The following CCNYL1 variants were observed in gnomAD, a reference collection of about 807,000 sequenced individuals.
CCNYL1 encodes cyclin Y like 1, also known as cyclin-Y-like protein 1.
A neutral mutation model predicts 44.2 loss-of-function variants in CCNYL1; 16 were observed. The ratio of observed to expected loss-of-function variants is 0.36; its 90% CI spans 0.25 to 0.55. The LOEUF is 0.55. Among genes scored for constraint, CCNYL1 ranks in the 20% least tolerant of loss-of-function variants. The pLI is 0.85. For synonymous variants in CCNYL1, 159 were observed against 163.2 expected, an observed-to-expected ratio of 0.97 and a Z score of 0.20; for missense variants, 348 against 451.8, an observed-to-expected ratio of 0.77 and a Z score of 2.08.
chr2:207,717,174 A>G (rs1014664885), intron 1 of CCNYL1, among the ~76,000 whole-genome samples: 1 of 150,840 alleles, frequency 6.6e-6, no homozygotes, highest in Non-Finnish European at 1.5e-5. Flanking sequence ...CCTGGACTTT[A>G]GAATTCATCA....
At position 207,720,187 on chromosome 2, in the gene CCNYL1, C is replaced by CAAAA. The variant is rs747214958; in HGVS notation, c.221-4594_221-4591dup. Reference sequence around the variant, plus strand: ...TGGGTGGTAGAGTGAGACTCCGTCTCAAAAAAAAAAAAAAAAAAAAAAGGC... The same window carrying CAAAA: ...TGGGTGGTAGAGTGAGACTCCGTCTCAAAAAAAAAAAAAAAAAAAAAAAAAAGGC... On this transcript the variant is annotated intron_variant, in intron 1 of 9. Coordinates refer to ENST00000295414, the MANE Select transcript of CCNYL1 (RefSeq NM_001330218.2). Among the ~76,000 whole-genome samples the CAAAA allele has an allele frequency of 1.7e-3, 101 of 57,818 alleles. 2 individuals carry two copies. Among genetic ancestry groups the CAAAA allele is most frequent in the Non-Finnish European group, 2.0e-3 (64 of 31,494 alleles). The allele number at this position is 57,818 out of a possible 152,430, so 37.9% of individuals were successfully genotyped here. A position where few individuals can be genotyped will look rare whatever the true frequency, so the allele number is the denominator to read the frequency against.
At chr2:207,740,176 CAAT>C (rs1467550067) in intron 5 of CCNYL1, among the ~76,000 whole-genome samples, 2 of 152,022 alleles carry the variant, frequency 1.3e-5, no homozygotes, top group Non-Finnish European at 2.9e-5. Context: ...AATAAAAAGA[CAAT>C]AAGGTTTTTA....
intron 3 of CCNYL1, among the ~76,000 whole-genome samples, chr2:207,729,556 G>T (rs1405257444): frequency 6.6e-6 from 1 of 152,104 alleles, no homozygotes; most frequent in Non-Finnish European, 1.5e-5. Context: ...GATTCTTACT[G>T]CAAGGACATT....
In CCNYL1 at chr2:207,718,017, G is replaced by A. The variant is rs143457325; in HGVS notation, c.220+5901G>A. Among the ~76,000 whole-genome samples, 772 of 149,530 alleles carry A rather than the reference G, an allele frequency of 5.2e-3. 7 individuals carry two copies. Among genetic ancestry groups the A allele is most frequent in the African/African-American group, 0.018 (719 of 40,662 alleles). ...CCTCCTGGGTTCAAGCGATTCTCCT[G>A]CCTCAGCCTCCCGAGTAGCTGGGGC... On this transcript the variant is annotated intron_variant, in intron 1 of 9. Transcript: ENST00000295414.
chr2:207,712,041 G>A lies in CCNYL1; in HGVS notation c.145G>A (p.Glu49Lys). Residue 49 changes from glutamate to lysine, a missense_variant, in exon 1 of 10, where the codon GAG becomes AAG. Physicochemically the swap from Glu to Lys is moderately conservative, Grantham distance 56. Transcript: ENST00000295414. The stretch of plus-strand genomic sequence containing the variant: ...GGTGGCGGTAGCGCCCGCTGTGGTG[G>A]AGCCTGCCGAGTTGGATTTCGGAGA... ...DAVAVAPAVV[E>K]PAELDFGEGE... 2.6e-6 allele frequency: 4 copies of A among 1,537,790 alleles called. No individual in the cohort carries two copies. The highest frequency in any genetic ancestry group is 3.5e-6 in the Non-Finnish European group (4 of 1,143,686).
chr2:207,745,537 T>A (rs1575222705), intron 7 of CCNYL1, among the ~76,000 whole-genome samples: 1 of 152,376 alleles, frequency 6.6e-6, no homozygotes, highest in South Asian at 2.1e-4. Context: ...AGAATCTCTC[T>A]TAAGAACATG....
intron 6 of CCNYL1, among the ~76,000 whole-genome samples, chr2:207,741,396 C>A (rs2091808712): frequency 6.6e-6 from 1 of 152,154 alleles, no homozygotes; most frequent in Admixed American, 6.5e-5. Flanking sequence ...TGAGTTGTGC[C>A]TGTATTTTTC....
At chr2:207,725,126 AT>A (rs34595478) in intron 2 of CCNYL1, among the ~76,000 whole-genome samples, 1,467 of 135,334 alleles carry the variant, frequency 0.011, 7 homozygotes, top group Non-Finnish European at 0.015. Context: ...AGTAACATGG[AT>A]TTTTTTTTTT....
intron 8 of CCNYL1, among the ~76,000 whole-genome samples, chr2:207,748,841 G>GC (rs1295865928): frequency 2.6e-5 from 4 of 152,222 alleles, no homozygotes; most frequent in African/African-American, 9.6e-5. Flanking sequence ...ATTGCTGGTA[G>GC]CCGTTTTAGC....
At chr2:207,729,922 G>A (rs917520354) in intron 3 of CCNYL1, among the ~76,000 whole-genome samples, 1 of 151,632 alleles carries the variant, frequency 6.6e-6, no homozygotes, top group Non-Finnish European at 1.5e-5. Context: ...TGCCGTATTA[G>A]CCAAGCTGGT....
At chr2:207,717,991 G>A (rs1200045292) in intron 1 of CCNYL1, among the ~76,000 whole-genome samples, 1 of 146,848 alleles carries the variant, frequency 6.8e-6, no homozygotes, top group Non-Finnish European at 1.5e-5. Context: ...TGCAACCTCC[G>A]CCTCCTGGGT....
intron 1 of CCNYL1, among the ~76,000 whole-genome samples, chr2:207,717,279 T>C (rs2091604618): frequency 6.6e-6 from 1 of 152,208 alleles, no homozygotes; most frequent in Non-Finnish European, 1.5e-5. Context: ...TTTAAAAGAT[T>C]TGATTAGATG....
At chr2:207,747,493 C>T (rs968564890) in intron 8 of CCNYL1, among the ~76,000 whole-genome samples, 37 of 145,032 alleles carry the variant, frequency 2.6e-4, no homozygotes, top group Admixed American at 4.6e-4. Context: ...TGGTTTTTGG[C>T]AAAAATCTTA....
At chr2:207,737,690 A>AT (rs61366781) in intron 5 of CCNYL1, among the ~76,000 whole-genome samples, 19,313 of 149,214 alleles carry the variant, frequency 0.13, 2,123 homozygotes, top group East Asian at 0.38. Context: ...GAAGTTGAGA[A>AT]TTTAAAAAAA....
intron 1 of CCNYL1, among the ~76,000 whole-genome samples, chr2:207,722,939 A>G (rs2091652063): frequency 6.6e-6 from 1 of 151,886 alleles, no homozygotes; most frequent in South Asian, 2.1e-4. Context: ...AGCCTGGGCG[A>G]AAGAGTGAGA....
chr2:207,712,173 C>T (rs1025082322), intron 1 of CCNYL1, 57 bp downstream of exon 1: 19 of 1,467,632 alleles, frequency 1.3e-5, no homozygotes, highest in Non-Finnish European at 1.8e-5. Flanking sequence ...GCCTCCTCCC[C>T]CAGAGTCCCC....
In CCNYL1 at chr2:207,711,768, C is replaced by G; in HGVS notation, c.-129C>G. The G allele has an allele frequency of 2.0e-6, 1 of 512,242 alleles. No homozygotes were observed. Among genetic ancestry groups the G allele is most frequent in the Non-Finnish European group, 3.0e-6 (1 of 330,736 alleles). 31.7% of individuals were successfully genotyped at this position (512,242 alleles called of 1,614,324 possible). A position where few individuals can be genotyped will look rare whatever the true frequency, so the allele number is the denominator to read the frequency against. ...GCGGGCGAGGCGGCGTCTGCTTGCG[C>G]GGTGCAGCCCCAGCGTAGCCCGGGG... On this transcript the variant is annotated 5_prime_UTR_variant, in exon 1 of 10. Coordinates refer to ENST00000295414, the MANE Select transcript of CCNYL1 (RefSeq NM_001330218.2).
intron 1 of CCNYL1, among the ~76,000 whole-genome samples, chr2:207,719,202 G>T (rs1223856333): frequency 1.3e-5 from 2 of 151,944 alleles, no homozygotes; most frequent in Admixed American, 6.6e-5. Flanking sequence ...TGTTATTTTG[G>T]TATGGGCTTT....
intron 8 of CCNYL1, among the ~76,000 whole-genome samples, chr2:207,747,497 AATCTTACAAGT>A (rs1456415869): frequency 6.9e-6 from 1 of 145,118 alleles, no homozygotes; most frequent in East Asian, 2.3e-4. Flanking sequence ...TTTTGGCAAA[AATCTTACAAGT>A]ATACTACCAG....
Sources: gnomAD v4.1 joint callset for allele counts (sites outside exome capture counted in the v4.1 genomes callset) on GRCh38, gnomAD v4.1.1 for gene constraint, MANE v1.5 for transcripts, NCBI Gene and HGNC (gene_info 2026-07-23, HGNC 2026-07-21) for gene names.